DYNC2I1: variants seen among roughly 807,000 people sequenced by gnomAD.
The protein encoded by DYNC2I1 is cytoplasmic dynein 2 intermediate chain 1.
DYNC2I1 carries 89 observed loss-of-function variants against 133.4 expected under a neutral mutation model. The ratio of observed to expected loss-of-function variants is 0.67; its 90% CI spans 0.56 to 0.80. The LOEUF is 0.80. DYNC2I1 is among the 30% of genes least tolerant of loss of function. The pLI, the probability that DYNC2I1 is intolerant of heterozygous loss-of-function variation, is 0.00. For synonymous variants in DYNC2I1, 504 were observed against 484.3 expected (o/e 1.04, Z -0.54); for missense variants, 1,291 against 1,314.5 (o/e 0.98, Z 0.28).
chr7:158,941,372 G>T (rs1851342678), intron 23 of DYNC2I1, among the ~76,000 whole-genome samples: 1 of 152,124 alleles, frequency 6.6e-6, no homozygotes, highest in African/African-American at 2.4e-5. Context: ...TGTTAAATTT[G>T]TGTTTATATA....
In DYNC2I1 at chr7:158,891,306, C is replaced by A. The variant is rs140137568; in HGVS notation, c.1032C>A (p.Asp344Glu). ...GCTCTTCTGTGTGGTGGAAGCTGGA[C>A]CAGAGGCCGGGAGGCGAGGAAACCG... ...EEGSSVWWKL[D>E]QRPGGEETVE... Residue 344 changes from aspartate to glutamate, a missense_variant, in exon 8 of 25, where the codon GAC (aspartate) becomes GAA (glutamate). By Grantham distance (45) the Asp-to-Glu change is conservative. Coordinates refer to ENST00000407559, the MANE Select transcript of DYNC2I1 (RefSeq NM_018051.5). 7.8e-5 allele frequency: 126 copies of A among 1,614,026 alleles called. No individual in the cohort carries two copies. Among genetic ancestry groups the A allele is most frequent in the Admixed American group, 2.8e-4 (17 of 60,020 alleles).
chr7:158,843,475 G>A, the DYNC2I1 span, among the ~76,000 whole-genome samples: 1 of 152,170 alleles, frequency 6.6e-6, no homozygotes, highest in Non-Finnish European at 1.5e-5. Context: ...GGCCAGGCTG[G>A]TCACGAACTC....
chr7:158,876,790 G>T, intron 4 of DYNC2I1, 99 bp downstream of exon 4: 1 of 1,429,486 alleles, frequency 7.0e-7, no homozygotes, highest in South Asian at 1.6e-5. Flanking sequence ...AATGTCCTAA[G>T]CCAGGATTTC....
At chr7:158,922,153 A>T (rs573165281) in intron 15 of DYNC2I1, among the ~76,000 whole-genome samples, 2 of 152,308 alleles carry the variant, frequency 1.3e-5, no homozygotes, top group Admixed American at 6.5e-5. Context: ...CTTGGGCTGC[A>T]TGTGACCACA....
At chr7:158,926,605 C>A in intron 19 of DYNC2I1, 142 bp downstream of exon 19, 1 of 944,886 alleles carries the variant, frequency 1.1e-6, no homozygotes, top group Non-Finnish European at 1.6e-6. Flanking sequence ...TGGTCCTGAG[C>A]AGAAGGGATG....
At chr7:158,953,207 T>C (rs1333146475) in intron 4 of DYNC2I1, among the ~76,000 whole-genome samples, 8 of 125,160 alleles carry the variant, frequency 6.4e-5, no homozygotes, top group Non-Finnish European at 1.2e-4. Context: ...CTAAATTGAG[T>C]GACACTGAGA....
chr7:158,866,897 A>AT (rs1326024991), intron 1 of DYNC2I1, among the ~76,000 whole-genome samples: 1 of 151,930 alleles, frequency 6.6e-6, no homozygotes, highest in Non-Finnish European at 1.5e-5. Context: ...AAAAAAAAAA[A>AT]ATTGTTTAAT....
chr7:158,876,163 A>G (rs1344763338), intron 3 of DYNC2I1, among the ~76,000 whole-genome samples: 2 of 152,198 alleles, frequency 1.3e-5, no homozygotes, highest in South Asian at 2.1e-4. Flanking sequence ...GAGAAGGTGA[A>G]GGGAAGCAGT....
chr7:158,920,357 G>A (rs926583556), intron 15 of DYNC2I1, among the ~76,000 whole-genome samples: 2 of 151,680 alleles, frequency 1.3e-5, no homozygotes, highest in Non-Finnish European at 2.9e-5. Flanking sequence ...TGAAGTGTGT[G>A]TGTGTACCAC....
chr7:158,949,155 T>C (rs1851975901), downstream of DYNC2I1, among the ~76,000 whole-genome samples: 1 of 152,022 alleles, frequency 6.6e-6, no homozygotes, highest in African/African-American at 2.4e-5. Flanking sequence ...CCTCCCATCC[T>C]CTTGGAGACT....
chr7:158,879,068 A>G (rs1221135596), intron 4 of DYNC2I1, among the ~76,000 whole-genome samples: 1 of 152,114 alleles, frequency 6.6e-6, no homozygotes, highest in Admixed American at 6.5e-5. Context: ...GTCGGGCACC[A>G]TGTGGGGAGG....
At chr7:158,872,230 C>A (rs752123120) in intron 3 of DYNC2I1, among the ~76,000 whole-genome samples, 2 of 152,192 alleles carry the variant, frequency 1.3e-5, no homozygotes, top group Non-Finnish European at 2.9e-5. Context: ...GTGGGAGGAT[C>A]CCTTGAGCCC....
intron 16 of DYNC2I1, among the ~76,000 whole-genome samples, chr7:158,923,272 G>A (rs576635084): frequency 1.3e-5 from 2 of 152,310 alleles, no homozygotes; most frequent in South Asian, 2.1e-4. Flanking sequence ...AGGTTCAGCC[G>A]ATTGAGCTGA....
chr7:158,883,303 C>T (rs187446754), intron 5 of DYNC2I1, among the ~76,000 whole-genome samples: 3 of 151,388 alleles, frequency 2.0e-5, no homozygotes, highest in Admixed American at 6.6e-5. Context: ...CTGCAGCCTC[C>T]GCCTCCTGGG....
intron 8 of DYNC2I1, among the ~76,000 whole-genome samples, chr7:158,894,132 A>ACTGCATATCATACCGCATATCC (rs1554455812): frequency 0.3 from 45,334 of 150,990 alleles, 7,078 homozygotes; most frequent in East Asian, 0.52. Flanking sequence ...ACCGCATATC[A>ACTGCATATCATACCGCATATCC]TACCGCATAT....
Position 158,945,948 on chromosome 7 carries a change from C to A in DYNC2I1, c.*169C>A. 3 of 635,718 alleles carry A rather than the reference C, an allele frequency of 4.7e-6. No homozygotes were observed. Among genetic ancestry groups the A allele is most frequent in the South Asian group, 4.8e-5 (1 of 20,852 alleles). The allele number at this position is 635,718 out of a possible 1,614,324, so 39.4% of individuals were successfully genotyped here. The stretch of plus-strand genomic sequence containing the variant: ...TTTGGTATTCCCAGTAAATAGATGA[C>A]TACTTTTGAGTGGAAACAAAGAACA... On this transcript the variant is annotated 3_prime_UTR_variant, in exon 25 of 25. Transcript: ENST00000407559. This position sits in a 1 kb window ranked among gnomAD's most constrained non-coding sequence, Gnocchi z 4.1.
chr7:158,911,594 C>T lies in DYNC2I1; in HGVS notation c.1505C>T (p.Ser502Leu), dbSNP rs776188298. 6 of 1,613,512 alleles carry T rather than the reference C, an allele frequency of 3.7e-6. No homozygotes were observed. The highest frequency in any genetic ancestry group is 1.7e-4 in the Middle Eastern group (1 of 6,060). Residue 502 changes from serine to leucine, a missense_variant, in exon 12 of 25, where the codon TCA becomes TTA. Coordinates refer to ENST00000407559, the MANE Select transcript of DYNC2I1 (RefSeq NM_018051.5). ...KLLRLIDLDF[S>L]FTFSLLDLPP... Reference sequence around the variant, plus strand: ...CTTCGGCTCATTGACTTAGATTTTTCATTTACTTTCTCTCTCTTGGATCTA... The same window carrying T: ...CTTCGGCTCATTGACTTAGATTTTTTATTTACTTTCTCTCTCTTGGATCTA...
At chr7:158,864,556 T>C (rs1842234190) in intron 1 of DYNC2I1, among the ~76,000 whole-genome samples, 1 of 152,186 alleles carries the variant, frequency 6.6e-6, no homozygotes, top group African/African-American at 2.4e-5. Context: ...TTGCCTGGGC[T>C]GGAGTGCAGT....
intron 3 of DYNC2I1, among the ~76,000 whole-genome samples, chr7:158,875,031 TCTGGGGCCCTCC>T (rs1183673449): frequency 6.6e-6 from 1 of 151,964 alleles, no homozygotes; most frequent in Non-Finnish European, 1.5e-5. Flanking sequence ...ATCTACCTGT[TCTGGGGCCCTCC>T]CTCTGTAACC....
Sources: gnomAD v4.1 joint callset for allele counts (sites outside exome capture counted in the v4.1 genomes callset) on GRCh38, gnomAD v4.1.1 for gene constraint, Gnocchi (gnomAD v3.1) non-coding constraint, MANE v1.5 for transcripts, NCBI Gene and HGNC (gene_info 2026-07-23, HGNC 2026-07-21) for gene names.